GRM5: variants seen among roughly 807,000 people sequenced by gnomAD.
The protein encoded by GRM5 is glutamate metabotropic receptor 5.
In GRM5, 19 loss-of-function variants were observed where a neutral mutation model predicts 83.1. The ratio of observed to expected loss-of-function variants is 0.23; its 90% confidence interval spans 0.16 to 0.34. The LOEUF is 0.34. Among genes scored for constraint, GRM5 ranks in the 10% least tolerant of loss-of-function variants. GRM5 has a pLI of 1.00. For synonymous variants in GRM5, 675 were observed against 633.6 expected, an observed-to-expected ratio of 1.07 and a Z score of -0.98; for missense variants, 1,160 against 1,588.3, an observed-to-expected ratio of 0.73 and a Z score of 4.58.
intron 3 of GRM5, among the ~76,000 whole-genome samples, chr11:88,735,085 G>A (rs547320411): frequency 3.9e-5 from 6 of 152,088 alleles, no homozygotes; most frequent in African/African-American, 1.4e-4. Context: ...AGCTAGTCCT[G>A]CTTTTCTAAC....
At position 89,031,858 on chromosome 11, in the gene GRM5, G is replaced by T. The variant is rs186425827; in HGVS notation, c.661+15354C>A. Among the ~76,000 whole-genome samples, 439 of 151,872 alleles carry T rather than the reference G, an allele frequency of 2.9e-3. 1 individual carries two copies. Among genetic ancestry groups the T allele is most frequent in the African/African-American group, 0.01 (416 of 41,438 alleles). On this transcript the variant is annotated intron_variant, in intron 2 of 9. Coordinates refer to ENST00000305447, the MANE Select transcript of GRM5 (RefSeq NM_001143831.3). ...TCACTTAATACATATAGTTTAAGTT[G>T]TTCTCAGACACCAGAATATTAGGAG... is the stretch of plus-strand genomic sequence containing the variant.
At chr11:88,726,545 C>T (rs1022645483) in intron 3 of GRM5, among the ~76,000 whole-genome samples, 1 of 152,120 alleles carries the variant, frequency 6.6e-6, no homozygotes, top group Non-Finnish European at 1.5e-5. Flanking sequence ...AAAAACACCA[C>T]AAAGATAATC....
intron 3 of GRM5, among the ~76,000 whole-genome samples, chr11:88,672,776 AT>A (rs1940225364): frequency 6.6e-6 from 1 of 152,040 alleles, no homozygotes; most frequent in Non-Finnish European, 1.5e-5. Context: ...GACATTGCTA[AT>A]AACTGGAAAA....
chr11:88,940,968 C>G lies in GRM5; in HGVS notation c.662-90813G>C, dbSNP rs139328663. ...TATGTGACAATGTGTTAAGTGCATA[C>G]GCACAGTTTTCCCCCTAACTCTATC... is the stretch of plus-strand genomic sequence containing the variant. On this transcript the variant is annotated intron_variant, in intron 2 of 9. Coordinates refer to ENST00000305447, the MANE Select transcript of GRM5 (RefSeq NM_001143831.3). Among the ~76,000 whole-genome samples, 5 of 152,042 alleles carry G rather than the reference C, an allele frequency of 3.3e-5. No individual in the cohort carries two copies. The East Asian group carries it at 7.8e-4, about 24-fold the overall frequency.
At chr11:88,953,427 G>GT (rs1938521092) in intron 2 of GRM5, among the ~76,000 whole-genome samples, 1 of 152,132 alleles carries the variant, frequency 6.6e-6, no homozygotes, top group African/African-American at 2.4e-5. Context: ...ACTTTATCAT[G>GT]TTTTTTTCTT....
chr11:88,674,587 C>T (rs1477006696), intron 3 of GRM5, among the ~76,000 whole-genome samples: 1 of 151,812 alleles, frequency 6.6e-6, no homozygotes, highest in African/African-American at 2.4e-5. Context: ...GGAATGCTAC[C>T]ATTGTTCCTC....
chr11:89,057,176 T>C (rs1355086311), intron 1 of GRM5, among the ~76,000 whole-genome samples: 2 of 152,168 alleles, frequency 1.3e-5, no homozygotes, highest in Non-Finnish European at 2.9e-5. Context: ...TGATTTCTTC[T>C]GCCTGATCAG....
At chr11:88,611,655 A>G (rs191921980) in intron 4 of GRM5, among the ~76,000 whole-genome samples, 1 of 152,132 alleles carries the variant, frequency 6.6e-6, no homozygotes, top group Non-Finnish European at 1.5e-5. Flanking sequence ...TAATCTTTCA[A>G]AAAACCAACT....
At chr11:88,824,326 G>A (rs16914994) in intron 3 of GRM5, among the ~76,000 whole-genome samples, 3,877 of 152,146 alleles carry the variant, frequency 0.025, 173 homozygotes, top group African/African-American at 0.089. Flanking sequence ...AACATACAAG[G>A]AACTACCAGA....
intron 3 of GRM5, among the ~76,000 whole-genome samples, chr11:88,687,522 A>ACACACACACATAC (rs1488281098): frequency 3.2e-5 from 1 of 30,776 alleles, no homozygotes; most frequent in Admixed American, 5.4e-4. Flanking sequence ...ACACACACAC[A>ACACACACACATAC]CACATACATA....
At chr11:88,882,588 G>A (rs1362095902) in intron 2 of GRM5, among the ~76,000 whole-genome samples, 2 of 150,812 alleles carry the variant, frequency 1.3e-5, no homozygotes, top group African/African-American at 4.9e-5. Context: ...TTGATAGAAT[G>A]AAATTCACCT....
chr11:88,687,265 G>C (rs915221743), intron 3 of GRM5, among the ~76,000 whole-genome samples: 3 of 151,252 alleles, frequency 2.0e-5, no homozygotes, highest in African/African-American at 7.3e-5. Flanking sequence ...ATGAAGTCAG[G>C]AGACAGAGAC....
rs1257957450 is a variant in GRM5 at position 88,506,296 on chromosome 11, G to C, written c.*2296C>G. Reference sequence around the variant, plus strand: ...TTAAACATGTTCTTCAACTGGTCTAGAGTGAAACGTATTGTACTTGAGAAT... The same window carrying C: ...TTAAACATGTTCTTCAACTGGTCTACAGTGAAACGTATTGTACTTGAGAAT... On this transcript the variant is annotated 3_prime_UTR_variant, in exon 10 of 10. Transcript: ENST00000305447. 1 of 152,122 alleles carries C rather than the reference G, an allele frequency of 6.6e-6. No individual in the cohort carries two copies. The highest frequency in any genetic ancestry group is 2.4e-5 in the African/African-American group (1 of 41,430). 9.4% of individuals were successfully genotyped at this position (152,122 alleles called of 1,614,324 possible). A position where few individuals can be genotyped will look rare whatever the true frequency, so the allele number is the denominator to read the frequency against.
At chr11:88,520,509 T>C (rs1212901907) in intron 9 of GRM5, among the ~76,000 whole-genome samples, 1 of 152,200 alleles carries the variant, frequency 6.6e-6, no homozygotes, top group Non-Finnish European at 1.5e-5. Context: ...TGGTAAGAAA[T>C]GGGCACTTAA....
chr11:88,716,125 A>C (rs1941395109), intron 3 of GRM5, among the ~76,000 whole-genome samples: 1 of 152,008 alleles, frequency 6.6e-6, no homozygotes, highest in African/African-American at 2.4e-5. Flanking sequence ...TTTGTAAGGC[A>C]GAGATTTTGT....
chr11:88,832,934 C>A (rs144956991), intron 3 of GRM5, among the ~76,000 whole-genome samples: 1 of 151,964 alleles, frequency 6.6e-6, no homozygotes, highest in African/African-American at 2.4e-5. Context: ...AGAAACAGGA[C>A]CCCTAACTCT....
intron 2 of GRM5, among the ~76,000 whole-genome samples, chr11:89,017,074 G>A (rs1008257531): frequency 6.6e-6 from 1 of 152,040 alleles, no homozygotes; most frequent in African/African-American, 2.4e-5. Context: ...TAAATTTGAT[G>A]AGCTCTCAAG....
At chr11:89,043,320 A>T (rs1288786899) in intron 2 of GRM5, among the ~76,000 whole-genome samples, 2 of 152,192 alleles carry the variant, frequency 1.3e-5, no homozygotes, top group Admixed American at 1.3e-4. Flanking sequence ...AGGAAGTACA[A>T]TATAAAATTT....
chr11:88,760,574 A>G (rs1257253084), intron 3 of GRM5, among the ~76,000 whole-genome samples: 2 of 152,090 alleles, frequency 1.3e-5, no homozygotes, highest in Non-Finnish European at 2.9e-5. Flanking sequence ...TAAATAGCCT[A>G]CCAACCAAAA....
Sources: allele counts gnomAD v4.1 joint callset (sites outside exome capture counted in the v4.1 genomes callset), GRCh38; gene constraint gnomAD v4.1.1; transcripts MANE v1.5; gene names NCBI Gene and HGNC (gene_info 2026-07-23, HGNC 2026-07-21).